Variants in PPP2R5E observed in about 807,000 individuals in gnomAD.
PPP2R5E encodes protein phosphatase 2 regulatory subunit B'epsilon, also known as serine/threonine-protein phosphatase 2A 56 kDa regulatory subunit epsilon isoform.
PPP2R5E carries 4 observed loss-of-function variants against 65.3 expected under a neutral mutation model. The ratio of observed to expected loss-of-function variants is 0.06; its 90% CI spans 0.03 to 0.14. The LOEUF is 0.14. PPP2R5E is among the 10% of genes least tolerant of loss of function. PPP2R5E has a pLI of 1.00. For synonymous variants in PPP2R5E, 183 were observed against 187.4 expected, an observed-to-expected ratio of 0.98 and a Z score of 0.19; for missense variants, 274 against 556.1, an observed-to-expected ratio of 0.49 and a Z score of 5.10.
At chr14:63,479,385 A>AC (rs2139589069) in intron 2 of PPP2R5E, 1 of 152,252 alleles carries the variant, frequency 6.6e-6, no homozygotes, top group African/African-American at 2.4e-5. Context: ...CACGTGCTGG[A>AC]CAGCCTTGTT....
intron 2 of PPP2R5E, among the ~76,000 whole-genome samples, chr14:63,484,257 T>C (rs1383466010): frequency 1.3e-5 from 2 of 151,780 alleles, no homozygotes; most frequent in Non-Finnish European, 2.9e-5. Flanking sequence ...TTTTCTAGCC[T>C]GGAGATACAG....
intron 2 of PPP2R5E, among the ~76,000 whole-genome samples, chr14:63,464,117 T>A (rs1566721873): frequency 3.3e-5 from 5 of 152,180 alleles, no homozygotes; most frequent in Admixed American, 3.3e-4. Flanking sequence ...TCACTCACTC[T>A]ATCATTCACT....
At chr14:63,440,104 AG>A (rs1390230062) in intron 3 of PPP2R5E, among the ~76,000 whole-genome samples, 1 of 152,172 alleles carries the variant, frequency 6.6e-6, no homozygotes. Context: ...CGGGCAGAGG[AG>A]CCTGATTTTT....
At chr14:63,476,700 T>C (rs2139578485) in intron 2 of PPP2R5E, among the ~76,000 whole-genome samples, 1 of 152,284 alleles carries the variant, frequency 6.6e-6, no homozygotes, top group South Asian at 2.1e-4. Context: ...CAGAGAACCC[T>C]ATACTGCTGG....
intron 2 of PPP2R5E, among the ~76,000 whole-genome samples, chr14:63,511,665 A>C (rs1186473976): frequency 6.6e-6 from 1 of 152,226 alleles, no homozygotes; most frequent in Non-Finnish European, 1.5e-5. Context: ...ACTGACATAG[A>C]ATGGGTATGG....
chr14:63,513,579 G>A (rs951941818), intron 2 of PPP2R5E, among the ~76,000 whole-genome samples: 2 of 152,192 alleles, frequency 1.3e-5, no homozygotes, highest in African/African-American at 4.8e-5. Context: ...AGATTGTAGA[G>A]CTTGGGAGGC....
At chr14:63,538,898 TGAGCAACAGAGGGAG>T (rs1566770393) in intron 2 of PPP2R5E, among the ~76,000 whole-genome samples, 1 of 151,918 alleles carries the variant, frequency 6.6e-6, no homozygotes, top group Non-Finnish European at 1.5e-5. Context: ...TGAACCAGCC[TGAGCAACAGAGGGAG>T]ACTCTATCTC....
chr14:63,448,020 G>A (rs558969392), intron 3 of PPP2R5E, among the ~76,000 whole-genome samples: 7 of 152,144 alleles, frequency 4.6e-5, no homozygotes, highest in African/African-American at 1.7e-4. Flanking sequence ...ACTTCAGGTC[G>A]GGCGCGGTGG....
chr14:63,471,621 G>A (rs995592451), intron 2 of PPP2R5E, among the ~76,000 whole-genome samples: 1 of 152,046 alleles, frequency 6.6e-6, no homozygotes, highest in Non-Finnish European at 1.5e-5. Flanking sequence ...AATGCTGTGA[G>A]GTAGGTATTA....
At chr14:63,420,822 G>A (rs1307538194) in intron 4 of PPP2R5E, among the ~76,000 whole-genome samples, 1 of 100,898 alleles carries the variant, frequency 9.9e-6, no homozygotes, top group Non-Finnish European at 1.9e-5. Context: ...GGAGGCCGAG[G>A]CGGGCGGATC....
intron 2 of PPP2R5E, among the ~76,000 whole-genome samples, chr14:63,458,710 A>G (rs555501112): frequency 1.3e-5 from 2 of 152,346 alleles, no homozygotes; most frequent in East Asian, 3.9e-4. Flanking sequence ...AAGTATTTCT[A>G]TAAAATGTTC....
intron 10 of PPP2R5E, among the ~76,000 whole-genome samples, chr14:63,391,265 T>C (rs1885003319): frequency 6.6e-6 from 1 of 152,194 alleles, no homozygotes; most frequent in South Asian, 2.1e-4. Flanking sequence ...AGTTCTGGCC[T>C]AATCATCTGT....
chr14:63,476,377 T>C (rs533864732), intron 2 of PPP2R5E, among the ~76,000 whole-genome samples: 25 of 152,278 alleles, frequency 1.6e-4, no homozygotes, highest in South Asian at 8.3e-4. Context: ...CACTTTGCAA[T>C]TGAAAAACCC....
chr14:63,459,127 G>A (rs1214945723), intron 2 of PPP2R5E, among the ~76,000 whole-genome samples: 1 of 152,106 alleles, frequency 6.6e-6, no homozygotes, highest in Non-Finnish European at 1.5e-5. Context: ...AGAAAACTAA[G>A]TGTCTCATAG....
chr14:63,488,729 G>A (rs564260315), intron 2 of PPP2R5E, among the ~76,000 whole-genome samples: 36 of 151,962 alleles, frequency 2.4e-4, no homozygotes, highest in African/African-American at 8.7e-4. Flanking sequence ...CATACCTGTA[G>A]TCCCAGCTAC....
At chr14:63,515,223 T>G (rs540217442) in intron 2 of PPP2R5E, among the ~76,000 whole-genome samples, 3 of 152,316 alleles carry the variant, frequency 2.0e-5, no homozygotes, top group Admixed American at 2.0e-4. Context: ...TATCTCAAGC[T>G]TCAATAAAGT....
At chr14:63,523,056 C>T (rs1166273901) in intron 2 of PPP2R5E, among the ~76,000 whole-genome samples, 48 of 150,228 alleles carry the variant, frequency 3.2e-4, no homozygotes, top group South Asian at 1.9e-3. Flanking sequence ...CCCCTCTGCC[C>T]GGCCAGCCGC....
intron 5 of PPP2R5E, among the ~76,000 whole-genome samples, chr14:63,407,579 TA>T (rs766369568): frequency 6.6e-6 from 1 of 152,236 alleles, no homozygotes; most frequent in Non-Finnish European, 1.5e-5. Context: ...TAGAGATATC[TA>T]AAAAATAGGA....
At chr14:63,454,043 G>C (rs147992649) in intron 2 of PPP2R5E, among the ~76,000 whole-genome samples, 158 bp from the exon 3 acceptor site, 1 of 152,186 alleles carries the variant, frequency 6.6e-6, no homozygotes, top group Non-Finnish European at 1.5e-5. Context: ...AGGGGATACC[G>C]TATCTACTAC....
Sources: gnomAD v4.1 joint callset for allele counts (sites outside exome capture counted in the v4.1 genomes callset) on GRCh38, gnomAD v4.1.1 for gene constraint, MANE v1.5 for transcripts, NCBI Gene and HGNC (gene_info 2026-07-23, HGNC 2026-07-21) for gene names.